The following ARHGAP32 variants were observed in gnomAD, a reference collection of about 807,000 sequenced individuals.
ARHGAP32 encodes the protein Rho GTPase activating protein 32.
In ARHGAP32, 51 loss-of-function variants were observed where a neutral mutation model predicts 186.5. That is an observed-to-expected ratio of 0.27 (90% CI 0.22 to 0.35). The LOEUF (loss-of-function observed/expected upper bound fraction) is 0.35. Among genes scored for constraint, ARHGAP32 ranks in the 10% least tolerant of loss-of-function variants. ARHGAP32 has a pLI of 1.00. For synonymous variants in ARHGAP32, 950 were observed against 964.3 expected, an observed-to-expected ratio of 0.99 and a Z score of 0.27; for missense variants, 2,186 against 2,623.5, an observed-to-expected ratio of 0.83 and a Z score of 3.64.
chr11:129,277,873 T>C (rs1945551768), intron 1 of ARHGAP32, among the ~76,000 whole-genome samples: 1 of 152,248 alleles, frequency 6.6e-6, no homozygotes, highest in Non-Finnish European at 1.5e-5. Context: ...TTAAAGCTTC[T>C]CTTTCCTTCA....
intron 1 of ARHGAP32, among the ~76,000 whole-genome samples, chr11:129,254,791 C>T (rs1429763657): frequency 6.6e-6 from 1 of 152,078 alleles, no homozygotes; most frequent in African/African-American, 2.4e-5. Context: ...GAAATGCACA[C>T]ATTTGAACTA....
intron 10 of ARHGAP32, among the ~76,000 whole-genome samples, chr11:129,051,361 T>C (rs1396056005): frequency 2.0e-5 from 3 of 152,244 alleles, no homozygotes; most frequent in African/African-American, 2.4e-5. Context: ...GGTATCTCAC[T>C]GTGGTTTTGA....
chr11:129,180,503 G>T (rs1387198426), intron 1 of ARHGAP32, among the ~76,000 whole-genome samples: 1 of 151,976 alleles, frequency 6.6e-6, no homozygotes, highest in Non-Finnish European at 1.5e-5. Context: ...ACCTCAAAGT[G>T]TAAAAGTTTA....
chr11:129,017,281 C>T (rs1194895110), intron 11 of ARHGAP32, among the ~76,000 whole-genome samples: 3 of 151,872 alleles, frequency 2.0e-5, no homozygotes, highest in Non-Finnish European at 4.4e-5. Flanking sequence ...TGGCGAAAAC[C>T]TGTCTCTACT....
intron 1 of ARHGAP32, among the ~76,000 whole-genome samples, chr11:129,268,864 T>C (rs1945439956): frequency 6.6e-6 from 1 of 152,106 alleles, no homozygotes; most frequent in Non-Finnish European, 1.5e-5. Context: ...TAAAAGTGAC[T>C]CTAGCACCTC....
At position 129,132,498 on chromosome 11, in the gene ARHGAP32, A is replaced by G. The variant is rs548466615; in HGVS notation, c.226-7604T>C. Among the ~76,000 whole-genome samples the G allele has an allele frequency of 1.5e-4, 23 of 151,906 alleles. 1 individual carries two copies. In the South Asian group the frequency reaches 4.8e-3, roughly 32 times the overall value. Reference sequence around the variant, plus strand: ...GGGGAGAAAAAAAAAAAAAAGCAGGATAAGACCACAGTGATCCCCATGAAA... The same window carrying G: ...GGGGAGAAAAAAAAAAAAAAGCAGGGTAAGACCACAGTGATCCCCATGAAA... On this transcript the variant is annotated intron_variant, in intron 2 of 22. Transcript: ENST00000682385.
At position 128,969,093 on chromosome 11, in the gene ARHGAP32, C is replaced by T; in HGVS notation, c.6120G>A (p.Leu2040=). ...SVTVVSQYDN[L]EDYHSLPQHQ... ...GCTGAGGCAGGGAGTGGTAATCTTC[C>T]AGGTTATCATACTGGGACACAACAG... The change falls in exon 23 of 23, where the codon CTG becomes CTA. Residue 2040 remains leucine (L), a synonymous_variant. Coordinates refer to ENST00000682385, the MANE Select transcript of ARHGAP32 (RefSeq NM_001378024.1). The surrounding 1 kb of genome is among the most constrained non-coding windows in gnomAD (Gnocchi z 4.8). 6.2e-7 allele frequency: 1 copy of T among 1,606,450 alleles called. No individual in the cohort carries two copies. The highest frequency in any genetic ancestry group is 1.1e-5 in the South Asian group (1 of 90,256).
chr11:129,073,347 G>A (rs1940930636), intron 6 of ARHGAP32, among the ~76,000 whole-genome samples: 1 of 152,048 alleles, frequency 6.6e-6, no homozygotes, highest in Non-Finnish European at 1.5e-5. Context: ...AAAGCTTTAA[G>A]GAAAAAGTAG....
upstream of ARHGAP32, among the ~76,000 whole-genome samples, chr11:129,195,834 G>A (rs1338657389): frequency 2.0e-5 from 3 of 152,222 alleles, no homozygotes; most frequent in Non-Finnish European, 4.4e-5. Context: ...AACAGCGGGG[G>A]CAGGGATGGA....
chr11:129,041,403 T>C (rs1255133244), intron 10 of ARHGAP32, among the ~76,000 whole-genome samples: 1 of 152,084 alleles, frequency 6.6e-6, no homozygotes, highest in Non-Finnish European at 1.5e-5. Context: ...AACTTATGTT[T>C]ATTGACTTCT....
intron 2 of ARHGAP32, among the ~76,000 whole-genome samples, chr11:129,162,687 T>C (rs1045504547): frequency 6.6e-6 from 1 of 152,218 alleles, no homozygotes; most frequent in Non-Finnish European, 1.5e-5. Flanking sequence ...GAACACTAAA[T>C]GACTTTGCTA....
chr11:129,110,064 T>A (rs978285301), intron 5 of ARHGAP32, among the ~76,000 whole-genome samples: 2 of 152,190 alleles, frequency 1.3e-5, no homozygotes, highest in African/African-American at 2.4e-5. Flanking sequence ...CTAGTAGTTT[T>A]ATAGATTCAG....
At chr11:129,171,980 T>A (rs553229810) in intron 1 of ARHGAP32, among the ~76,000 whole-genome samples, 1 of 152,162 alleles carries the variant, frequency 6.6e-6, no homozygotes, top group Non-Finnish European at 1.5e-5. Flanking sequence ...TTGCCTATTG[T>A]TGACAAAAAG....
intron 1 of ARHGAP32, among the ~76,000 whole-genome samples, chr11:129,236,114 G>T (rs186061720): frequency 2.0e-5 from 3 of 152,294 alleles, no homozygotes; most frequent in Admixed American, 2.0e-4. Context: ...TCAAACAGTA[G>T]ATCTACTTTG....
intron 1 of ARHGAP32, among the ~76,000 whole-genome samples, chr11:129,249,758 T>A (rs1945154091): frequency 6.6e-6 from 1 of 152,044 alleles, no homozygotes; most frequent in Admixed American, 6.6e-5. Context: ...CACCACACCT[T>A]AATTTAGTCC....
chr11:129,000,961 A>T (rs193093481), intron 11 of ARHGAP32, among the ~76,000 whole-genome samples: 347 of 152,162 alleles, frequency 2.3e-3, no homozygotes, highest in African/African-American at 8.2e-3. Context: ...ACTGAATCTC[A>T]TTATTTTTTT....
chr11:129,213,542 A>C (rs1442543885), intron 1 of ARHGAP32, among the ~76,000 whole-genome samples: 3 of 152,186 alleles, frequency 2.0e-5, no homozygotes, highest in Non-Finnish European at 4.4e-5. Context: ...CATGTTAAAA[A>C]TAGTGTGGCC....
intron 15 of ARHGAP32, among the ~76,000 whole-genome samples, chr11:128,984,403 C>T (rs1411513498): frequency 6.6e-6 from 1 of 151,698 alleles, no homozygotes; most frequent in Non-Finnish European, 1.5e-5. Context: ...GAAAACACCC[C>T]ATACCACCAT....
chr11:129,073,097 T>C (rs975265699), intron 6 of ARHGAP32, among the ~76,000 whole-genome samples: 3 of 152,080 alleles, frequency 2.0e-5, no homozygotes, highest in Non-Finnish European at 4.4e-5. Flanking sequence ...TGAGACCTAA[T>C]CACAGGATTA....
Sources: gnomAD v4.1 joint callset for allele counts (sites outside exome capture counted in the v4.1 genomes callset) on GRCh38, gnomAD v4.1.1 for gene constraint, Gnocchi (gnomAD v3.1) non-coding constraint, MANE v1.5 for transcripts, NCBI Gene and HGNC (gene_info 2026-07-23, HGNC 2026-07-21) for gene names.